Variants in GSK3B observed in about 807,000 individuals in gnomAD.
GSK3B encodes glycogen synthase kinase 3 beta, also known as glycogen synthase kinase-3 beta.
In GSK3B, 15 loss-of-function variants were observed where a neutral mutation model predicts 56.4. The ratio of observed to expected loss-of-function variants is 0.27; its 90% confidence interval spans 0.18 to 0.41. GSK3B has a LOEUF of 0.41. Ranked by LOEUF, GSK3B falls within the 10% of genes least tolerant of loss-of-function variation. The pLI is 1.00. For missense variants in GSK3B, 300 were observed against 513.4 expected (o/e 0.58, Z 4.02); for synonymous variants, 181 against 188.9 (o/e 0.96, Z 0.34).
intron 3 of GSK3B, among the ~76,000 whole-genome samples, chr3:119,936,696 A>C (rs762543482): frequency 6.6e-6 from 1 of 151,890 alleles, no homozygotes; most frequent in Non-Finnish European, 1.5e-5. Flanking sequence ...AGGAGCTATA[A>C]CAATTATATA....
intron 9 of GSK3B, among the ~76,000 whole-genome samples, chr3:119,847,988 A>G (rs1013134415): frequency 6.6e-6 from 1 of 152,232 alleles, no homozygotes; most frequent in Non-Finnish European, 1.5e-5. Context: ...ATCTGTTTAA[A>G]GTGTCACTGC....
At chr3:119,862,670 T>G (rs927574098) in intron 9 of GSK3B, among the ~76,000 whole-genome samples, 2 of 138,644 alleles carry the variant, frequency 1.4e-5, no homozygotes, top group African/African-American at 3.0e-5. Context: ...ATTTCTTGTT[T>G]TTTTTTTTTT....
At chr3:120,076,769 G>A (rs113642756) in intron 1 of GSK3B, among the ~76,000 whole-genome samples, 12,292 of 138,580 alleles carry the variant, frequency 0.089, 645 homozygotes, top group Non-Finnish European at 0.12. Context: ...AGTCGAGATC[G>A]CGCCACTGCA....
intron 1 of GSK3B, among the ~76,000 whole-genome samples, chr3:120,085,562 G>C (rs567552064): frequency 2.0e-5 from 3 of 152,346 alleles, no homozygotes; most frequent in African/African-American, 7.2e-5. Context: ...TACTTTGCGA[G>C]GCTGAGGCCA....
At chr3:119,855,414 A>G (rs2056004785) in intron 9 of GSK3B, among the ~76,000 whole-genome samples, 1 of 152,218 alleles carries the variant, frequency 6.6e-6, no homozygotes, top group Non-Finnish European at 1.5e-5. Flanking sequence ...TGTGGAAGAC[A>G]GTGTGGCGAT....
At chr3:120,005,086 C>T (rs1239171400) in intron 1 of GSK3B, among the ~76,000 whole-genome samples, 2 of 151,890 alleles carry the variant, frequency 1.3e-5, no homozygotes, top group Non-Finnish European at 2.9e-5. Flanking sequence ...GCTTAAATGA[C>T]CTGATGAAGC....
chr3:119,899,362 A>C (rs1438043655), intron 7 of GSK3B, among the ~76,000 whole-genome samples: 2 of 152,142 alleles, frequency 1.3e-5, no homozygotes, highest in African/African-American at 4.8e-5. Context: ...GGATATCAGG[A>C]GACTACTGTA....
At chr3:119,831,643 C>T (rs949708104) in intron 10 of GSK3B, among the ~76,000 whole-genome samples, 4 of 145,310 alleles carry the variant, frequency 2.8e-5, no homozygotes, top group Admixed American at 6.9e-5. Flanking sequence ...GGCAACAGAG[C>T]GAGACTCCGT....
At chr3:119,866,443 C>T (rs776853505) in intron 8 of GSK3B, 1 of 714,298 alleles carries the variant, frequency 1.4e-6, no homozygotes, top group African/African-American at 1.8e-5. Flanking sequence ...CTATGCCATA[C>T]AGTGAATAAA....
chr3:119,993,279 A>G (rs1388787407), intron 2 of GSK3B, among the ~76,000 whole-genome samples: 1 of 152,080 alleles, frequency 6.6e-6, no homozygotes, highest in Non-Finnish European at 1.5e-5. Context: ...TCGAAAAGAA[A>G]TGACACTAGA....
intron 1 of GSK3B, among the ~76,000 whole-genome samples, chr3:120,050,822 G>A (rs940793022): frequency 6.6e-6 from 1 of 152,150 alleles, no homozygotes; most frequent in Non-Finnish European, 1.5e-5. Flanking sequence ...CAAAGCAGTA[G>A]AATTAATATC....
chr3:119,850,530 G>C (rs1210347826), intron 9 of GSK3B, among the ~76,000 whole-genome samples: 2 of 152,024 alleles, frequency 1.3e-5, no homozygotes, highest in Admixed American at 6.6e-5. Context: ...ACTTTTTATG[G>C]GGACAGACTA....
chr3:120,088,943 C>A (rs1171544300), intron 1 of GSK3B, among the ~76,000 whole-genome samples: 1 of 152,230 alleles, frequency 6.6e-6, no homozygotes, highest in Non-Finnish European at 1.5e-5. Context: ...GTTTCACAGC[C>A]TTCTCTATGC....
chr3:120,007,205 T>C (rs111394870), intron 1 of GSK3B, among the ~76,000 whole-genome samples: 3,936 of 152,190 alleles, frequency 0.026, 174 homozygotes, highest in African/African-American at 0.089. Flanking sequence ...CTCCCAAGAC[T>C]AAACCAGGAA....
intron 7 of GSK3B, among the ~76,000 whole-genome samples, chr3:119,886,276 C>G (rs1412210550): frequency 6.6e-6 from 1 of 151,962 alleles, no homozygotes. Context: ...AAGTGGCCAA[C>G]AAACATGAAA....
intron 9 of GSK3B, among the ~76,000 whole-genome samples, chr3:119,847,096 A>G (rs2055865659): frequency 6.6e-6 from 1 of 152,016 alleles, no homozygotes; most frequent in East Asian, 1.9e-4. Flanking sequence ...ATGAGAACAT[A>G]TGGGCACAGG....
intron 1 of GSK3B, among the ~76,000 whole-genome samples, chr3:120,083,731 A>G (rs573960460): frequency 1.1e-4 from 17 of 152,348 alleles, no homozygotes; most frequent in African/African-American, 3.4e-4. Flanking sequence ...GCATATTCAT[A>G]CTAGTCAAAA....
chr3:120,078,914 T>TACACACACACACAC (rs57127586), intron 1 of GSK3B, among the ~76,000 whole-genome samples: 190 of 138,318 alleles, frequency 1.4e-3, no homozygotes, highest in South Asian at 3.4e-3. Flanking sequence ...GACAGGAAAT[T>TACACACACACACAC]ACACACACAC....
At chr3:119,845,381 G>A (rs1005217729) in intron 9 of GSK3B, among the ~76,000 whole-genome samples, 1 of 152,140 alleles carries the variant, frequency 6.6e-6, no homozygotes, top group Non-Finnish European at 1.5e-5. Flanking sequence ...CAAATTATCT[G>A]TTTGCAGATG....
Sources: allele counts gnomAD v4.1 joint callset (sites outside exome capture counted in the v4.1 genomes callset), GRCh38; gene constraint gnomAD v4.1.1; transcripts MANE v1.5; gene names NCBI Gene and HGNC (gene_info 2026-07-23, HGNC 2026-07-21).